STON2: variants seen among roughly 807,000 people sequenced by gnomAD.
STON2 encodes the protein stonin-2.
In STON2, 29 loss-of-function variants were observed where a neutral mutation model predicts 65.7. That is an observed-to-expected ratio of 0.44 (90% CI 0.33 to 0.60). The LOEUF is 0.60. STON2 is among the 20% of genes least tolerant of loss of function. The probability of loss-of-function intolerance (pLI) is 0.03; values close to 1 mark genes in which losing one functional copy is unlikely to be tolerated. For missense variants in STON2, 1,054 were observed against 1,118.1 expected (o/e 0.94, Z 0.82); for synonymous variants, 404 against 414.2 (o/e 0.98, Z 0.30).
At chr14:81,304,597 G>T (rs1215522412) in intron 5 of STON2, among the ~76,000 whole-genome samples, 2 of 152,116 alleles carry the variant, frequency 1.3e-5, no homozygotes, top group Non-Finnish European at 2.9e-5. Context: ...GATGAAACAG[G>T]CCTGTGATGA....
chr14:81,321,677 C>G (rs187328345), intron 5 of STON2, among the ~76,000 whole-genome samples: 7 of 152,264 alleles, frequency 4.6e-5, no homozygotes, highest in Non-Finnish European at 7.4e-5. Flanking sequence ...AAGCCAAATT[C>G]AAGCAGATGT....
In STON2 at chr14:81,267,224, A is replaced by T; in HGVS notation, c.*1190T>A. ...TTAATTGTCCCAGAAACAGATGAAG[A>T]AAAAGAAGATGGAGTGAGCGTTCTG... is the stretch of plus-strand genomic sequence containing the variant. On this transcript the variant is annotated 3_prime_UTR_variant, in exon 8 of 8. Coordinates refer to ENST00000614646, the MANE Select transcript of STON2 (RefSeq NM_001394390.1). The T allele has an allele frequency of 2.0e-6, 2 of 985,400 alleles. No individual in the cohort carries two copies. Among genetic ancestry groups the T allele is most frequent in the Non-Finnish European group, 2.4e-6 (2 of 829,896 alleles). The allele number at this position is 985,400 out of a possible 1,614,324, so 61.0% of individuals were successfully genotyped here. A position where few individuals can be genotyped will look rare whatever the true frequency, so the allele number is the denominator to read the frequency against.
At chr14:81,418,433 T>C (rs1314225384) in intron 2 of STON2, among the ~76,000 whole-genome samples, 1 of 152,066 alleles carries the variant, frequency 6.6e-6, no homozygotes, top group South Asian at 2.1e-4. Context: ...CCAAACTGTA[T>C]CAGAAAGCGA....
intron 1 of STON2, among the ~76,000 whole-genome samples, chr14:81,431,907 C>T (rs1365838429): frequency 1.3e-5 from 2 of 152,050 alleles, no homozygotes; most frequent in Non-Finnish European, 2.9e-5. Context: ...ATCACACCAC[C>T]GCACTAAAGC....
At chr14:81,275,721 C>T (rs530908866) in intron 6 of STON2, among the ~76,000 whole-genome samples, 1 of 152,306 alleles carries the variant, frequency 6.6e-6, no homozygotes, top group South Asian at 2.1e-4. Context: ...TAGCTACACC[C>T]AGTGTCTGAT....
chr14:81,425,005 T>C (rs2139910992), intron 2 of STON2, among the ~76,000 whole-genome samples: 1 of 152,314 alleles, frequency 6.6e-6, no homozygotes, highest in Non-Finnish European at 1.5e-5. Context: ...ATAGCAGTAT[T>C]TCTTTTGGTA....
At chr14:81,335,494 A>C (rs1266755706) in intron 4 of STON2, among the ~76,000 whole-genome samples, 2 of 152,302 alleles carry the variant, frequency 1.3e-5, no homozygotes, top group Admixed American at 1.3e-4. Context: ...AAGAATATCC[A>C]GGGTGTCACC....
chr14:81,261,690 C>A lies in STON2; in HGVS notation c.*6724G>T. The stretch of plus-strand genomic sequence containing the variant: ...TATACCTCATTGATTATCCTATCAT[C>A]CCCAGTACTTGGAGGGTTAGACCTA... On this transcript the variant is annotated 3_prime_UTR_variant, in exon 8 of 8. Coordinates refer to ENST00000614646, the MANE Select transcript of STON2 (RefSeq NM_001394390.1). 3.4e-6 allele frequency: 4 copies of A among 1,188,706 alleles called. No individual in the cohort carries two copies. The highest frequency in any genetic ancestry group is 4.4e-6 in the Non-Finnish European group (4 of 903,738). The allele number at this position is 1,188,706 out of a possible 1,614,324, so 73.6% of individuals were successfully genotyped here. A position where few individuals can be genotyped will look rare whatever the true frequency, so the allele number is the denominator to read the frequency against.
At chr14:81,321,105 G>C (rs1896805879) in intron 5 of STON2, among the ~76,000 whole-genome samples, 1 of 152,152 alleles carries the variant, frequency 6.6e-6, no homozygotes, top group Admixed American at 6.5e-5. Flanking sequence ...CCTGATCCAA[G>C]CTCCAAGATG....
intron 4 of STON2, chr14:81,332,972 T>C: frequency 2.1e-6 from 1 of 480,800 alleles, no homozygotes; most frequent in East Asian, 3.7e-5. Flanking sequence ...CATTTCTTTT[T>C]AGCGACACCA....
At chr14:81,348,795 A>T (rs1897912865) in intron 4 of STON2, among the ~76,000 whole-genome samples, 1 of 152,192 alleles carries the variant, frequency 6.6e-6, no homozygotes, top group Non-Finnish European at 1.5e-5. Context: ...ATCCAAAGTG[A>T]TACTGAGCAA....
chr14:81,428,213 T>C (rs1222228505), intron 1 of STON2, among the ~76,000 whole-genome samples: 1 of 152,120 alleles, frequency 6.6e-6, no homozygotes, highest in African/African-American at 2.4e-5. Flanking sequence ...AAGTCTGAAG[T>C]AGAGGGAAAT....
intron 2 of STON2, among the ~76,000 whole-genome samples, chr14:81,409,353 C>T (rs1381966898): frequency 4.0e-5 from 6 of 151,072 alleles, no homozygotes; most frequent in East Asian, 1.9e-4. Context: ...TGCAGTGAGC[C>T]GAGACTGCAC....
chr14:81,382,481 G>A (rs2140398887), intron 3 of STON2, among the ~76,000 whole-genome samples: 1 of 152,216 alleles, frequency 6.6e-6, no homozygotes, highest in Admixed American at 6.5e-5. Context: ...GCATGTGTAG[G>A]TAGTAAAACT....
chr14:81,365,626 C>T (rs984027318), intron 4 of STON2, among the ~76,000 whole-genome samples: 4 of 151,990 alleles, frequency 2.6e-5, no homozygotes, highest in Non-Finnish European at 5.9e-5. Flanking sequence ...CATGGTGGTA[C>T]GTGCCTGTGG....
At chr14:81,320,264 G>A (rs61978914) in intron 5 of STON2, among the ~76,000 whole-genome samples, 13,711 of 150,142 alleles carry the variant, frequency 0.091, 716 homozygotes, top group Non-Finnish European at 0.1. Context: ...CCTGGGCTTG[G>A]AACTGACATA....
At chr14:81,335,786 G>C (rs1311365522) in intron 4 of STON2, among the ~76,000 whole-genome samples, 1 of 152,008 alleles carries the variant, frequency 6.6e-6, no homozygotes, top group Non-Finnish European at 1.5e-5. Flanking sequence ...ACCAAAATGA[G>C]TGAAAGTACG....
intron 2 of STON2, among the ~76,000 whole-genome samples, chr14:81,408,136 AACACACACAC>A (rs149914558): frequency 6.7e-4 from 100 of 149,096 alleles, no homozygotes; most frequent in South Asian, 1.3e-3. Context: ...TTCACTGAAG[AACACACACAC>A]ACACACACAC....
At chr14:81,418,171 A>G (rs3844535) in intron 2 of STON2, 119,199 of 153,262 alleles carry the variant, frequency 0.78, 47,240 homozygotes, top group African/African-American at 0.94. Context: ...ACAGTTCCAC[A>G]TGGCTGGGGA....
Sources: allele counts gnomAD v4.1 joint callset (sites outside exome capture counted in the v4.1 genomes callset), GRCh38; gene constraint gnomAD v4.1.1; transcripts MANE v1.5; gene names NCBI Gene and HGNC (gene_info 2026-07-23, HGNC 2026-07-21).